KLHL12: variants seen among roughly 807,000 people sequenced by gnomAD.
KLHL12 encodes kelch-like protein 12.
KLHL12 carries 17 observed loss-of-function variants against 60.8 expected under a neutral mutation model. The ratio of observed to expected loss-of-function variants is 0.28; its 90% CI spans 0.19 to 0.42. The LOEUF (loss-of-function observed/expected upper bound fraction) is 0.42. KLHL12 is among the 10% of genes least tolerant of loss of function. The probability of loss-of-function intolerance (pLI) is 1.00; values close to 1 mark genes in which losing one functional copy is unlikely to be tolerated. For synonymous variants in KLHL12, 220 were observed against 250.9 expected, an observed-to-expected ratio of 0.88 and a Z score of 1.16; for missense variants, 468 against 722.3, an observed-to-expected ratio of 0.65 and a Z score of 4.04.
At position 202,892,592 on chromosome 1, in the gene KLHL12, C is replaced by A; in HGVS notation, c.1648G>T (p.Val550Leu). Reference sequence around the variant, plus strand: ...CAGCGCTGGGTTCCCATGGATGTCACGACTTCCCAGCTGTCGATGATAGGG... The same window carrying A: ...CAGCGCTGGGTTCCCATGGATGTCAAGACTTCCCAGCTGTCGATGATAGGG... The part of the protein sequence containing the change: ...YDPIIDSWEV[V>L]TSMGTQRCDA... The change falls in exon 12 of 12, where the codon GTG becomes TTG. Residue 550 changes from valine to leucine, a missense_variant. By Grantham distance (32) the Val-to-Leu change is conservative. Around this residue, in one of 4 missense-constraint regions of KLHL12, gnomAD observed 68 missense variants for 119.8 expected, o/e 0.57. Coordinates refer to ENST00000367261, the MANE Select transcript of KLHL12 (RefSeq NM_021633.4). 6.2e-7 allele frequency: 1 copy of A among 1,614,074 alleles called. No individual in the cohort carries two copies.
chr1:202,912,387 A>C, intron 4 of KLHL12: 1 of 804,178 alleles, frequency 1.2e-6, no homozygotes, highest in Non-Finnish European at 2.2e-6. Context: ...TGCTTCATCC[A>C]GCCAAAGAAG....
intron 1 of KLHL12, among the ~76,000 whole-genome samples, chr1:202,925,883 T>G (rs1375947863): frequency 2.0e-5 from 3 of 151,944 alleles, no homozygotes; most frequent in Non-Finnish European, 4.4e-5. Context: ...AGGTGGGTGA[T>G]CAGTTGAGGT....
At chr1:202,911,281 T>C (rs1222300347) in intron 4 of KLHL12, 78 bp from the exon 5 acceptor site, 4 of 1,494,772 alleles carry the variant, frequency 2.7e-6, no homozygotes, top group Non-Finnish European at 3.7e-6. Flanking sequence ...CACGTTCACT[T>C]TTTCCTTCCT....
At chr1:202,921,320 A>G (rs2102456617) in intron 2 of KLHL12, among the ~76,000 whole-genome samples, 1 of 152,112 alleles carries the variant, frequency 6.6e-6, no homozygotes, top group Non-Finnish European at 1.5e-5. Context: ...GACTACAGGC[A>G]CATGCCACCA....
chr1:202,914,868 A>T (rs1368397581), intron 4 of KLHL12: 2 of 151,022 alleles, frequency 1.3e-5, no homozygotes, highest in Non-Finnish European at 3.0e-5. Context: ...TCCGTCTAAA[A>T]AAAAAAAAAA....
At chr1:202,918,792 G>A (rs949597109) in intron 3 of KLHL12, among the ~76,000 whole-genome samples, 1 of 152,184 alleles carries the variant, frequency 6.6e-6, no homozygotes, top group East Asian at 1.9e-4. Context: ...GGAGAAGATA[G>A]TAATAACAAA....
intron 4 of KLHL12, chr1:202,915,070 T>C (rs1459463446): frequency 6.6e-6 from 1 of 152,132 alleles, no homozygotes; most frequent in Non-Finnish European, 1.5e-5. Context: ...CATTAATGCC[T>C]CACTACAGAG....
In KLHL12 at chr1:202,911,038, G is replaced by A. The variant is rs1557994196; in HGVS notation, c.717+16C>T. On this transcript the variant is annotated intron_variant, in intron 5 of 11. Coordinates refer to ENST00000367261, the MANE Select transcript of KLHL12 (RefSeq NM_021633.4). ...TCCGTCAAGGTTTTGGATCCTGAGA[G>A]TGTTGCACTACTTACCTCAGCATCT... The A allele has an allele frequency of 6.2e-7, 1 of 1,613,122 alleles. No homozygotes were observed. The highest frequency in any genetic ancestry group is 8.5e-7 in the Non-Finnish European group (1 of 1,179,398).
intron 6 of KLHL12, among the ~76,000 whole-genome samples, chr1:202,898,617 GAGA>G: frequency 6.6e-6 from 1 of 152,238 alleles, no homozygotes; most frequent in South Asian, 2.1e-4. Context: ...CAATACATGG[GAGA>G]AGAACATGTT....
At chr1:202,914,935 C>T (rs10800877) in intron 4 of KLHL12, 32,584 of 150,322 alleles carry the variant, frequency 0.22, 4,240 homozygotes, top group East Asian at 0.53. Flanking sequence ...AAATCTGTAA[C>T]TGATTGTGGT....
chr1:202,920,208 G>T (rs1660643498), intron 2 of KLHL12, among the ~76,000 whole-genome samples: 1 of 151,846 alleles, frequency 6.6e-6, no homozygotes, highest in Non-Finnish European at 1.5e-5. Context: ...CAGCTACTCA[G>T]GAGGCTGAGG....
chr1:202,898,130 C>T (rs1400381194), intron 6 of KLHL12, among the ~76,000 whole-genome samples: 2 of 152,148 alleles, frequency 1.3e-5, no homozygotes, highest in African/African-American at 4.8e-5. Context: ...TCTCAAACTC[C>T]CGGCCTCAAG....
Position 202,903,624 on chromosome 1 carries a change from C to CTTTTTTTTTT in KLHL12, c.832+5385_832+5386insAAAAAAAAAA, listed in dbSNP as rs1660086940. On this transcript the variant is annotated intron_variant, in intron 6 of 11. Coordinates refer to ENST00000367261, the MANE Select transcript of KLHL12 (RefSeq NM_021633.4). ...AGTAGCTGGGACCACTAATTTTTTT[C>CTTTTTTTTTT]TTTTCTTTTTTTTTTTGAAACGGCG... Among the ~76,000 whole-genome samples the CTTTTTTTTTT allele has an allele frequency of 5.7e-4, 14 of 24,488 alleles. No individual in the cohort carries two copies. The East Asian group carries it at 6.0e-3, about 10-fold the overall frequency. The allele number at this position is 24,488 out of a possible 152,430, so 16.1% of individuals were successfully genotyped here.
chr1:202,900,102 G>A (rs947624079), intron 6 of KLHL12, among the ~76,000 whole-genome samples: 2 of 152,096 alleles, frequency 1.3e-5, no homozygotes, highest in Non-Finnish European at 2.9e-5. Context: ...AGCAGATGAT[G>A]TATGTATGAA....
intron 2 of KLHL12, among the ~76,000 whole-genome samples, chr1:202,921,051 C>T (rs1660682027): frequency 6.6e-6 from 1 of 152,054 alleles, no homozygotes; most frequent in South Asian, 2.1e-4. Flanking sequence ...TGCTCTGTTC[C>T]CCAGGCTGGA....
At chr1:202,903,457 CTTG>C (rs1414039742) in intron 6 of KLHL12, among the ~76,000 whole-genome samples, 1 of 52,672 alleles carries the variant, frequency 1.9e-5, no homozygotes, top group African/African-American at 4.3e-5. Flanking sequence ...CTCATGCATT[CTTG>C]TTTTTTTTTT....
At chr1:202,926,834 G>A (rs1465604375) in intron 1 of KLHL12, among the ~76,000 whole-genome samples, 1 of 152,168 alleles carries the variant, frequency 6.6e-6, no homozygotes, top group Non-Finnish European at 1.5e-5. Context: ...AGAAGGAAAC[G>A]AAGTCCTTCC....
chr1:202,892,260 A>G lies in KLHL12; in HGVS notation c.*273T>C, dbSNP rs1362666701. 1.3e-5 allele frequency: 5 copies of G among 386,554 alleles called. No individual in the cohort carries two copies. The East Asian group carries it at 2.4e-4, about 18-fold the overall frequency. The allele number at this position is 386,554 out of a possible 1,614,324, so 23.9% of individuals were successfully genotyped here. Reference sequence around the variant, plus strand: ...TGTGGTAAGTTAGAAATGACAGGAAAGTGCTCCCCAAAGCAGTGGGAGAGG... The same window carrying G: ...TGTGGTAAGTTAGAAATGACAGGAAGGTGCTCCCCAAAGCAGTGGGAGAGG... On this transcript the variant is annotated 3_prime_UTR_variant, in exon 12 of 12. Transcript: ENST00000367261.
At chr1:202,922,334 G>A (rs1434115570) in intron 2 of KLHL12, among the ~76,000 whole-genome samples, 2 of 151,588 alleles carry the variant, frequency 1.3e-5, no homozygotes, top group South Asian at 2.1e-4. Context: ...TTGGGAGGCC[G>A]AGGTGGGTGG....
Sources: allele counts gnomAD v4.1 joint callset (sites outside exome capture counted in the v4.1 genomes callset), GRCh38; gene constraint gnomAD v4.1.1; regional missense constraint gnomAD v4.1.1; transcripts MANE v1.5; gene names NCBI Gene and HGNC (gene_info 2026-07-23, HGNC 2026-07-21).